Variants in BLTP1 observed in about 807,000 individuals in gnomAD.
The protein encoded by BLTP1 is fragile site-associated protein.
chr4:122,274,277 A>G, the BLTP1 span: 1 of 921,688 alleles, frequency 1.1e-6, no homozygotes. Context: ...ATAAAATGTA[A>G]TTTTAATATG....
At chr4:122,321,347 G>A in the BLTP1 span, among the ~76,000 whole-genome samples, 2 of 152,038 alleles carry the variant, frequency 1.3e-5, no homozygotes, top group Non-Finnish European at 2.9e-5. Context: ...CCTGTCTCTT[G>A]TATCATTACT....
chr4:122,344,793 T>C, the BLTP1 span: 1 of 984,798 alleles, frequency 1.0e-6, no homozygotes, highest in Non-Finnish European at 1.2e-6. Flanking sequence ...GTATGCCTAA[T>C]TAAATCAGTA....
At chr4:122,202,351 A>G in the BLTP1 span, among the ~76,000 whole-genome samples, 11 of 152,138 alleles carry the variant, frequency 7.2e-5, no homozygotes, top group Non-Finnish European at 1.3e-4. Flanking sequence ...CTCTGTCCTA[A>G]GCAGTTTGCA....
the BLTP1 span, among the ~76,000 whole-genome samples, chr4:122,303,276 A>G: frequency 9.9e-4 from 151 of 152,326 alleles, no homozygotes; most frequent in Admixed American, 1.8e-3. Flanking sequence ...ATCTTTTTAC[A>G]ACATGGTTCA....
chr4:122,179,317 C>T, the BLTP1 span, among the ~76,000 whole-genome samples: 3 of 152,024 alleles, frequency 2.0e-5, no homozygotes, highest in Non-Finnish European at 4.4e-5. Context: ...TGCTTGGTCT[C>T]ATATTTTAAA....
the BLTP1 span, among the ~76,000 whole-genome samples, chr4:122,258,416 C>G: frequency 6.6e-6 from 1 of 152,200 alleles, no homozygotes; most frequent in Non-Finnish European, 1.5e-5. Context: ...TTCCAATTAT[C>G]TGCAAATCCC....
At chr4:122,315,917 T>C in the BLTP1 span, among the ~76,000 whole-genome samples, 2 of 152,150 alleles carry the variant, frequency 1.3e-5, no homozygotes, top group East Asian at 3.9e-4. Flanking sequence ...ATAATAATAT[T>C]AAAACTGAAA....
At chr4:122,163,530 G>A in the BLTP1 span, among the ~76,000 whole-genome samples, 2 of 152,186 alleles carry the variant, frequency 1.3e-5, no homozygotes, top group Non-Finnish European at 2.9e-5. Flanking sequence ...GTAGAGGTGA[G>A]TGCCAACAGT....
the BLTP1 span, chr4:122,262,932 ACTC>A: frequency 6.2e-7 from 1 of 1,614,038 alleles, no homozygotes; most frequent in East Asian, 2.2e-5. Flanking sequence ...CCTGGAAGGT[ACTC>A]CTCAGAGAAG....
the BLTP1 span, chr4:122,188,236 T>C: frequency 9.8e-7 from 1 of 1,016,576 alleles, no homozygotes; most frequent in Non-Finnish European, 1.3e-6. Flanking sequence ...ATGTAGTCCT[T>C]CTTTATAGGA....
chr4:122,302,273 G>C, the BLTP1 span: 4 of 981,356 alleles, frequency 4.1e-6, no homozygotes, highest in African/African-American at 7.0e-5. Context: ...AGTTTTATCA[G>C]TTCATTAGAC....
At chr4:122,264,738 T>C in the BLTP1 span, among the ~76,000 whole-genome samples, 1 of 152,200 alleles carries the variant, frequency 6.6e-6, no homozygotes, top group East Asian at 1.9e-4. Flanking sequence ...ACGTTAAGAC[T>C]TTATTGAGCG....
chr4:122,189,544 G>A, the BLTP1 span: 47 of 777,176 alleles, frequency 6.0e-5, no homozygotes, highest in South Asian at 1.5e-3. Flanking sequence ...TATACAGATA[G>A]ATAAAATGAT....
At chr4:122,225,540 A>G in the BLTP1 span, 2 of 152,170 alleles carry the variant, frequency 1.3e-5, no homozygotes, top group African/African-American at 2.4e-5. Flanking sequence ...TAGCAACAAG[A>G]AAGTAATAAA....
At chr4:122,271,055 C>G in the BLTP1 span, 1 of 1,612,670 alleles carries the variant, frequency 6.2e-7, no homozygotes, top group Non-Finnish European at 8.5e-7. Context: ...TGAGTTCAAA[C>G]CAGCATTAAT....
At chr4:122,169,824 C>T in the BLTP1 span, 1 of 984,888 alleles carries the variant, frequency 1.0e-6, no homozygotes, top group Non-Finnish European at 1.2e-6. Flanking sequence ...GTTCAGACTA[C>T]CTAGAGTGAA....
At chr4:122,161,069 C>T in the BLTP1 span, 1 of 851,630 alleles carries the variant, frequency 1.2e-6, no homozygotes, top group Non-Finnish European at 1.4e-6. Context: ...AGGTACTTAA[C>T]CTTACTTGGT....
At chr4:122,354,222 T>C in the BLTP1 span, among the ~76,000 whole-genome samples, 2 of 152,196 alleles carry the variant, frequency 1.3e-5, no homozygotes, top group African/African-American at 2.4e-5. Context: ...TTAGATGTTA[T>C]TGAAAACATT....
the BLTP1 span, among the ~76,000 whole-genome samples, chr4:122,163,131 T>C: frequency 6.6e-6 from 1 of 152,164 alleles, no homozygotes; most frequent in Admixed American, 6.5e-5. Context: ...TTGTTTTGGG[T>C]TTCCCCAGAA....
Sources: allele counts gnomAD v4.1 joint callset (sites outside exome capture counted in the v4.1 genomes callset), GRCh38; gene constraint gnomAD v4.1.1; transcripts MANE v1.5; gene names NCBI Gene and HGNC (gene_info 2026-07-23, HGNC 2026-07-21).